The following GRID2 variants were observed in gnomAD, a reference collection of about 807,000 sequenced individuals.
The protein encoded by GRID2 is glutamate receptor ionotropic, delta-2.
Under a neutral mutation model 114.8 loss-of-function variants are expected in GRID2, and 33 were observed. The observed-to-expected ratio is 0.29, with a 90% CI of 0.22 to 0.38. The LOEUF is 0.38. Ranked by LOEUF, GRID2 falls within the 10% of genes least tolerant of loss-of-function variation. The pLI, the probability that GRID2 is intolerant of heterozygous loss-of-function variation, is 1.00. For missense variants in GRID2, 1,184 were observed against 1,257.7 expected (o/e 0.94, Z 0.89); for synonymous variants, 505 against 449.9 (o/e 1.12, Z -1.55).
At chr4:92,320,484 C>CT (rs773058676) in intron 1 of GRID2, among the ~76,000 whole-genome samples, 67 of 151,328 alleles carry the variant, frequency 4.4e-4, no homozygotes, top group Middle Eastern at 3.4e-3. Flanking sequence ...TTTTTTTTCT[C>CT]TTTTTTTTGA....
intron 2 of GRID2, chr4:92,838,690 A>T (rs2149406884): frequency 6.6e-6 from 1 of 152,232 alleles, no homozygotes; most frequent in South Asian, 2.1e-4. Context: ...ATGGAAGCCC[A>T]TGTTCTATTA....
chr4:93,605,168 A>G (rs76740482), intron 13 of GRID2, among the ~76,000 whole-genome samples: 2,093 of 152,296 alleles, frequency 0.014, 54 homozygotes, highest in African/African-American at 0.048. Flanking sequence ...CAAATTTGCA[A>G]TGTCCAATGT....
chr4:93,469,889 C>T lies in GRID2; in HGVS notation c.1858+13915C>T, dbSNP rs12644831. Among the ~76,000 whole-genome samples, 641 of 152,194 alleles carry T rather than the reference C, an allele frequency of 4.2e-3. 30 individuals are homozygous for T. In the East Asian group the frequency reaches 0.1, roughly 24 times the overall value. ...TGCAAATAGTTGTATAGATTAGTGA[C>T]GTTTCTGAAAAACTAAATATTTTTA... On this transcript the variant is annotated intron_variant, in intron 11 of 15. Transcript: ENST00000282020.
intron 6 of GRID2, 173 bp downstream of exon 6, chr4:93,217,084 C>T: frequency 2.2e-6 from 1 of 447,198 alleles, no homozygotes; most frequent in Non-Finnish European, 4.0e-6. Flanking sequence ...CGTCTTTGTT[C>T]TTTTTGATCT....
At chr4:92,798,877 A>C (rs961745722) in intron 2 of GRID2, among the ~76,000 whole-genome samples, 1 of 151,992 alleles carries the variant, frequency 6.6e-6, no homozygotes, top group African/African-American at 2.4e-5. Flanking sequence ...GAATTAACTG[A>C]AATAGCAGTT....
chr4:93,054,996 A>G (rs181445677), intron 2 of GRID2, among the ~76,000 whole-genome samples: 14 of 152,028 alleles, frequency 9.2e-5, no homozygotes, highest in Non-Finnish European at 1.5e-5. Context: ...GTCACTGACT[A>G]TTATCTAATA....
intron 11 of GRID2, among the ~76,000 whole-genome samples, chr4:93,466,434 G>A (rs2149427935): frequency 6.6e-6 from 1 of 152,294 alleles, no homozygotes; most frequent in Admixed American, 6.5e-5. Context: ...GACTGCCCCT[G>A]TAGAGCAGGG....
chr4:92,913,977 A>G (rs1198728999), intron 2 of GRID2, among the ~76,000 whole-genome samples: 1 of 152,096 alleles, frequency 6.6e-6, no homozygotes, highest in Non-Finnish European at 1.5e-5. Context: ...CATTCATAGC[A>G]TACTGCATTT....
intron 1 of GRID2, among the ~76,000 whole-genome samples, chr4:92,326,574 G>T (rs577772931): frequency 3.1e-4 from 47 of 151,968 alleles, no homozygotes; most frequent in Middle Eastern, 3.4e-3. Flanking sequence ...AATCTGTAAT[G>T]AAAATGATTT....
chr4:93,124,771 G>GA (rs1244243887), intron 4 of GRID2, among the ~76,000 whole-genome samples: 1 of 151,974 alleles, frequency 6.6e-6, no homozygotes, highest in Admixed American at 6.6e-5. Flanking sequence ...AAATAGGAGG[G>GA]AAAAAACTGT....
intron 2 of GRID2, among the ~76,000 whole-genome samples, chr4:92,787,761 TAAG>T (rs1739387353): frequency 6.6e-6 from 1 of 151,846 alleles, no homozygotes; most frequent in South Asian, 2.1e-4. Context: ...AGTTAAAAGT[TAAG>T]AAAATGATTG....
At chr4:93,293,888 G>T (rs966165404) in intron 8 of GRID2, among the ~76,000 whole-genome samples, 3 of 152,164 alleles carry the variant, frequency 2.0e-5, no homozygotes, top group African/African-American at 7.2e-5. Context: ...AACAAAAAAT[G>T]CTTGGTATTA....
rs575305056 is a variant in GRID2, at chr4:93,679,241, A to G, written c.2360+52806A>G. Among the ~76,000 whole-genome samples the G allele has an allele frequency of 2.6e-5, 4 of 151,378 alleles. No individual in the cohort carries two copies. In the South Asian group the frequency reaches 6.3e-4, roughly 24 times the overall value. On this transcript the variant is annotated intron_variant, in intron 14 of 15. Coordinates refer to ENST00000282020, the MANE Select transcript of GRID2 (RefSeq NM_001510.4). ...AGGAAGAGCTAACTATCCTAAATAT[A>G]TAGGCACCCAATACAGGAGCACCCA...
chr4:92,456,702 A>G (rs1721233310), intron 1 of GRID2, among the ~76,000 whole-genome samples: 1 of 152,174 alleles, frequency 6.6e-6, no homozygotes, highest in Non-Finnish European at 1.5e-5. Flanking sequence ...TATGTTTGGA[A>G]TAATAAGCAA....
chr4:93,443,088 T>C (rs1156731175), intron 10 of GRID2, among the ~76,000 whole-genome samples: 1 of 152,040 alleles, frequency 6.6e-6, no homozygotes, highest in Non-Finnish European at 1.5e-5. Flanking sequence ...TTTTTCTCTC[T>C]TTAGGACTAT....
rs189498562 is a variant in GRID2, at chr4:92,328,715, A to G, written c.88+23971A>G. Among the ~76,000 whole-genome samples, 407 of 152,234 alleles carry G rather than the reference A, an allele frequency of 2.7e-3. 2 individuals are homozygous for G. The highest frequency in any genetic ancestry group is 9.2e-3 in the African/African-American group (382 of 41,578). On this transcript the variant is annotated intron_variant, in intron 1 of 15. Transcript: ENST00000282020. ...CCTTTGTTAGCTTAAGGAACTAAAAACAACATTATTTTGTTTTTGTTTCTG... is the reference window on the plus strand; with the variant it reads ...CCTTTGTTAGCTTAAGGAACTAAAAGCAACATTATTTTGTTTTTGTTTCTG...
chr4:92,709,585 A>AT (rs1392277814), intron 2 of GRID2, among the ~76,000 whole-genome samples: 12 of 124,362 alleles, frequency 9.6e-5, no homozygotes, highest in African/African-American at 3.1e-4. Flanking sequence ...AAAAAAAAAA[A>AT]AAAAATATAT....
chr4:92,703,743 TAAC>T (rs1036441154), intron 2 of GRID2, among the ~76,000 whole-genome samples: 9 of 151,956 alleles, frequency 5.9e-5, no homozygotes, highest in African/African-American at 1.7e-4. Context: ...TGGTATTAAA[TAAC>T]AATAATTGAG....
intron 8 of GRID2, among the ~76,000 whole-genome samples, chr4:93,270,215 T>TACAC (rs34945534): frequency 0.013 from 1,791 of 137,160 alleles, 13 homozygotes; most frequent in South Asian, 0.02. Context: ...CACACACACA[T>TACAC]ACACACACAC....
Sources: gnomAD v4.1 joint callset for allele counts (sites outside exome capture counted in the v4.1 genomes callset) on GRCh38, gnomAD v4.1.1 for gene constraint, MANE v1.5 for transcripts, NCBI Gene and HGNC (gene_info 2026-07-23, HGNC 2026-07-21) for gene names.